Variants in TMEM178B observed in about 807,000 individuals in gnomAD.
The protein encoded by TMEM178B is transmembrane protein 178B.
TMEM178B carries 5 observed loss-of-function variants against 31.0 expected under a neutral mutation model. The ratio of observed to expected loss-of-function variants is 0.16; its 90% CI spans 0.08 to 0.34. The LOEUF (loss-of-function observed/expected upper bound fraction) is 0.34. TMEM178B is among the 10% of genes least tolerant of loss of function. The pLI is 1.00. For missense variants in TMEM178B, 275 were observed against 400.3 expected (o/e 0.69, Z 2.67); for synonymous variants, 164 against 164.0 (o/e 1.00, Z 0.00).
intron 2 of TMEM178B, among the ~76,000 whole-genome samples, chr7:141,261,835 A>G (rs1798018576): frequency 6.6e-6 from 1 of 152,136 alleles, no homozygotes; most frequent in Non-Finnish European, 1.5e-5. Flanking sequence ...CTACCAACAA[A>G]CAGTAAGGGA....
At position 141,161,343 on chromosome 7, in the gene TMEM178B, C is replaced by T. The variant is rs1256409097; in HGVS notation, c.383-51248C>T. On this transcript the variant is annotated intron_variant, in intron 1 of 3. Transcript: ENST00000565468. ...AGGGAGGGGATTTTACTCTGAGCCA[C>T]GGGGCTGCAGAAAGGCTCGACGGGA... 3.3e-5 allele frequency among the ~76,000 whole-genome samples: 5 copies of T among 151,888 alleles called. No homozygotes were observed. The South Asian group carries it at 6.2e-4, about 19-fold the overall frequency.
chr7:141,193,504 C>T (rs185603029), intron 1 of TMEM178B, among the ~76,000 whole-genome samples: 75 of 152,306 alleles, frequency 4.9e-4, no homozygotes, highest in African/African-American at 1.7e-3. Flanking sequence ...GCCTGGGGTC[C>T]CAGGGGGTAC....
chr7:141,375,097 A>G (rs967220495), intron 2 of TMEM178B, among the ~76,000 whole-genome samples: 2 of 152,258 alleles, frequency 1.3e-5, no homozygotes, highest in Admixed American at 6.5e-5. Flanking sequence ...AGATTTGAAG[A>G]ACAGTTCATC....
chr7:141,245,030 G>A (rs575560487), intron 2 of TMEM178B, among the ~76,000 whole-genome samples: 2 of 151,466 alleles, frequency 1.3e-5, no homozygotes, highest in African/African-American at 4.9e-5. Context: ...CCAGCTACTC[G>A]GGAGGGTGAG....
intron 2 of TMEM178B, among the ~76,000 whole-genome samples, chr7:141,408,105 T>G (rs773674421): frequency 2.0e-5 from 3 of 151,860 alleles, no homozygotes; most frequent in African/African-American, 4.8e-5. Flanking sequence ...GATTTCCAAA[T>G]GCCACATGAC....
At position 141,438,696 on chromosome 7, in the gene TMEM178B, T is replaced by TAAAAA. The variant is rs869132131; in HGVS notation, c.634+977_634+981dup. Among the ~76,000 whole-genome samples, 219 of 28,992 alleles carry TAAAAA rather than the reference T, an allele frequency of 7.6e-3. 26 individuals carry two copies. The highest frequency in any genetic ancestry group is 0.015 in the African/African-American group (166 of 11,120). 19.0% of individuals were successfully genotyped at this position (28,992 alleles called of 152,430 possible). A position where few individuals can be genotyped will look rare whatever the true frequency, so the allele number is the denominator to read the frequency against. On this transcript the variant is annotated intron_variant, in intron 3 of 3. Transcript: ENST00000565468. ...CAGCTTGGTAAAACCCCGTCTCTAC[T>TAAAAA]AAAAAAAAAAAAAAAAAAAAAAAAA...
chr7:141,179,661 G>T (rs1472573580), intron 1 of TMEM178B, among the ~76,000 whole-genome samples: 1 of 152,180 alleles, frequency 6.6e-6, no homozygotes, highest in Admixed American at 6.5e-5. Context: ...TGGGATTTAA[G>T]TGGTTAGGGA....
chr7:141,296,235 T>C (rs958411802), intron 2 of TMEM178B, among the ~76,000 whole-genome samples: 1 of 152,024 alleles, frequency 6.6e-6, no homozygotes, highest in Non-Finnish European at 1.5e-5. Flanking sequence ...GCTCGTCTAA[T>C]TTTTGTATTT....
intron 2 of TMEM178B, among the ~76,000 whole-genome samples, chr7:141,342,797 C>T (rs181236852): frequency 1.3e-5 from 2 of 152,336 alleles, no homozygotes; most frequent in East Asian, 3.9e-4. Flanking sequence ...CATGTCGAGT[C>T]AGGCTTCAGT....
At chr7:141,332,536 C>T (rs557195304) in intron 2 of TMEM178B, among the ~76,000 whole-genome samples, 1 of 152,196 alleles carries the variant, frequency 6.6e-6, no homozygotes, top group Admixed American at 6.5e-5. Flanking sequence ...ATCGTCCATT[C>T]CTCTAGCTCC....
chr7:141,378,066 T>G (rs971808715), intron 2 of TMEM178B, among the ~76,000 whole-genome samples: 2 of 152,224 alleles, frequency 1.3e-5, no homozygotes, highest in African/African-American at 4.8e-5. Flanking sequence ...TCTCCTCTGG[T>G]TGGTGCCAGT....
chr7:141,337,143 T>G (rs62651315), intron 2 of TMEM178B, among the ~76,000 whole-genome samples: 3 of 1,764 alleles, frequency 1.7e-3, no homozygotes, highest in Admixed American at 6.8e-3. Context: ...ACCACCACCA[T>G]CATCACCACC....
intron 1 of TMEM178B, among the ~76,000 whole-genome samples, chr7:141,093,698 G>C (rs1273419625): frequency 6.6e-6 from 1 of 152,236 alleles, no homozygotes; most frequent in Non-Finnish European, 1.5e-5. Context: ...CTGTGAGGAA[G>C]AGTCAGTGAG....
intron 1 of TMEM178B, among the ~76,000 whole-genome samples, chr7:141,192,518 T>C (rs1796713825): frequency 6.7e-6 from 1 of 149,582 alleles, no homozygotes; most frequent in Non-Finnish European, 1.5e-5. Context: ...AGACAGAGTC[T>C]CACTCTGTCG....
intron 2 of TMEM178B, among the ~76,000 whole-genome samples, chr7:141,277,223 A>G (rs1798280438): frequency 6.6e-6 from 1 of 152,234 alleles, no homozygotes; most frequent in Non-Finnish European, 1.5e-5. Context: ...AAACACCAAC[A>G]CATTATACAG....
intron 2 of TMEM178B, among the ~76,000 whole-genome samples, chr7:141,419,892 G>T (rs918454622): frequency 6.6e-5 from 10 of 151,802 alleles, no homozygotes; most frequent in African/African-American, 2.2e-4. Context: ...TAATAATTAC[G>T]TGGCAAAAAA....
chr7:141,276,765 T>G (rs749872642), intron 2 of TMEM178B, among the ~76,000 whole-genome samples: 1 of 152,120 alleles, frequency 6.6e-6, no homozygotes, highest in African/African-American at 2.4e-5. Flanking sequence ...CTTAACACAA[T>G]CTGGATGGTA....
intron 1 of TMEM178B, among the ~76,000 whole-genome samples, chr7:141,182,378 C>T (rs1796543351): frequency 6.6e-6 from 1 of 152,134 alleles, no homozygotes; most frequent in South Asian, 2.1e-4. Context: ...GTTAAGGTCT[C>T]AAACTTATTA....
chr7:141,135,033 C>A (rs1208655378), intron 1 of TMEM178B, among the ~76,000 whole-genome samples: 1 of 152,204 alleles, frequency 6.6e-6, no homozygotes, highest in Non-Finnish European at 1.5e-5. Flanking sequence ...TGCACAAGCT[C>A]TCCCTTTGCC....
Sources: allele counts gnomAD v4.1 joint callset (sites outside exome capture counted in the v4.1 genomes callset), GRCh38; gene constraint gnomAD v4.1.1; transcripts MANE v1.5; gene names NCBI Gene and HGNC (gene_info 2026-07-23, HGNC 2026-07-21).